Variants in TXNL4A observed in about 807,000 individuals in gnomAD.
TXNL4A encodes the protein thioredoxin like 4A, also known as thioredoxin-like protein 4A.
TXNL4A carries 17 observed loss-of-function variants against 14.6 expected under a neutral mutation model. That is an observed-to-expected ratio of 1.16 (90% CI 0.80 to 1.74). The LOEUF (loss-of-function observed/expected upper bound fraction) is 1.74, where lower values mean the gene tolerates loss of function less well. TXNL4A is among the 40% of genes most tolerant of loss of function. The pLI, the probability that TXNL4A is intolerant of heterozygous loss-of-function variation, is 0.00. For missense variants in TXNL4A, 74 were observed against 195.2 expected (o/e 0.38, Z 3.70); for synonymous variants, 83 against 70.6 (o/e 1.18, Z -0.88).
At chr18:80,021,080 CAG>C (rs2051845469) in intron 1 of TXNL4A, among the ~76,000 whole-genome samples, 1 of 152,102 alleles carries the variant, frequency 6.6e-6, no homozygotes. Flanking sequence ...TGAGAAAACT[CAG>C]AGAGATTTTT....
upstream of TXNL4A, chr18:79,988,674 T>A: frequency 3.8e-6 from 1 of 260,312 alleles, no homozygotes; most frequent in Non-Finnish European, 7.2e-6. Flanking sequence ...GTTGGCCGGG[T>A]GGAGCGGCGG....
At chr18:79,997,287 C>T (rs1014253064) in intron 1 of TXNL4A, among the ~76,000 whole-genome samples, 6 of 151,986 alleles carry the variant, frequency 3.9e-5, no homozygotes, top group African/African-American at 1.5e-4. Flanking sequence ...CAGGAAGCTA[C>T]AGATGGAATC....
At chr18:79,975,686 T>G (rs1486959911) in intron 2 of TXNL4A, among the ~76,000 whole-genome samples, 1 of 152,132 alleles carries the variant, frequency 6.6e-6, no homozygotes, top group East Asian at 1.9e-4. Context: ...GTGAGGAGTG[T>G]GTTACTGGGA....
At chr18:79,974,802 G>A (rs925324385) in intron 2 of TXNL4A, among the ~76,000 whole-genome samples, 6 of 152,116 alleles carry the variant, frequency 3.9e-5, no homozygotes, top group African/African-American at 1.4e-4. Flanking sequence ...AGAGATGCGA[G>A]CTATGTTGCT....
rs1467986176 is a variant in TXNL4A, at chr18:79,988,513, T to C, written c.-121A>G. ...CCCCGGGCCCACGGACGAAATCCGGTCCCGCCCGCACACGCAAACTCCGCT... is the reference window on the plus strand; with the variant it reads ...CCCCGGGCCCACGGACGAAATCCGGCCCCGCCCGCACACGCAAACTCCGCT... On this transcript the variant is annotated 5_prime_UTR_variant, in exon 1 of 3. Transcript: ENST00000269601. The C allele has an allele frequency of 9.9e-6, 11 of 1,106,966 alleles. No individual in the cohort carries two copies. Among genetic ancestry groups the C allele is most frequent in the Middle Eastern group, 3.4e-4 (1 of 2,912 alleles). 68.6% of individuals were successfully genotyped at this position (1,106,966 alleles called of 1,614,324 possible). A position where few individuals can be genotyped will look rare whatever the true frequency, so the allele number is the denominator to read the frequency against.
chr18:79,973,589 T>G lies in TXNL4A; in HGVS notation c.*96A>C. 6.7e-7 allele frequency: 1 copy of G among 1,482,328 alleles called. No homozygotes were observed. The highest frequency in any genetic ancestry group is 2.4e-5 in the Admixed American group (1 of 42,510). The allele number at this position is 1,482,328 out of a possible 1,614,324, so 91.8% of individuals were successfully genotyped here. ...TTCCATCTCAGAGGTGCTCCAGCCC[T>G]GGAGCTTCCTGTATTTTCCAAAGGC... On this transcript the variant is annotated 3_prime_UTR_variant, in exon 3 of 3. Coordinates refer to ENST00000269601, the MANE Select transcript of TXNL4A (RefSeq NM_006701.5).
intron 1 of TXNL4A, among the ~76,000 whole-genome samples, chr18:79,978,969 G>C (rs139760018): frequency 2.7e-5 from 4 of 148,880 alleles, no homozygotes; most frequent in African/African-American, 5.0e-5. Context: ...ACGGAGTCTC[G>C]ATCTGTCGCC....
chr18:80,008,322 C>T (rs919672822), intron 1 of TXNL4A, among the ~76,000 whole-genome samples: 1 of 152,088 alleles, frequency 6.6e-6, no homozygotes, highest in Non-Finnish European at 1.5e-5. Flanking sequence ...ATCTGTGGCA[C>T]AAGGCTGGTC....
At chr18:80,016,320 C>T (rs1044216336) in intron 1 of TXNL4A, among the ~76,000 whole-genome samples, 1 of 152,160 alleles carries the variant, frequency 6.6e-6, no homozygotes, top group African/African-American at 2.4e-5. Flanking sequence ...GCTGCCTGTT[C>T]ACTCTGATGG....
intron 1 of TXNL4A, among the ~76,000 whole-genome samples, chr18:80,000,945 G>T (rs1367433395): frequency 8.5e-5 from 13 of 152,280 alleles, no homozygotes; most frequent in African/African-American, 3.1e-4. Context: ...TGAGCAAGGA[G>T]CCAAATGTTA....
At chr18:79,996,875 G>A (rs192442762) in intron 1 of TXNL4A, among the ~76,000 whole-genome samples, 2 of 152,292 alleles carry the variant, frequency 1.3e-5, no homozygotes, top group African/African-American at 2.4e-5. Context: ...CCCAGGAGGC[G>A]GAGGTTGCAG....
At chr18:79,990,203 G>C (rs2051616994), upstream of TXNL4A, among the ~76,000 whole-genome samples, 2 of 152,194 alleles carry the variant, frequency 1.3e-5, no homozygotes, top group Non-Finnish European at 2.9e-5. Flanking sequence ...CTCACTGCCA[G>C]ATTAAGCTTT....
At chr18:80,017,803 C>T (rs1052147945) in intron 1 of TXNL4A, among the ~76,000 whole-genome samples, 16 of 152,072 alleles carry the variant, frequency 1.1e-4, no homozygotes, top group East Asian at 5.8e-4. Context: ...ATGTTCATCA[C>T]GGATATTGGT....
upstream of TXNL4A, among the ~76,000 whole-genome samples, chr18:79,989,657 G>C (rs1446627059): frequency 2.0e-5 from 3 of 152,190 alleles, no homozygotes; most frequent in African/African-American, 7.2e-5. Context: ...TAAAACTCTT[G>C]TCTACTATCT....
At chr18:79,996,904 C>T (rs775733078) in intron 1 of TXNL4A, among the ~76,000 whole-genome samples, 2 of 152,196 alleles carry the variant, frequency 1.3e-5, no homozygotes, top group Non-Finnish European at 2.9e-5. Context: ...GACTGTGCCA[C>T]TGCACTCCAG....
rs1450155313 is a variant in TXNL4A, at chr18:79,982,179, A to G, written c.154-4478T>C. 3.9e-5 allele frequency among the ~76,000 whole-genome samples: 6 copies of G among 152,094 alleles called. No individual in the cohort carries two copies. Among genetic ancestry groups the G allele is most frequent in the Non-Finnish European group, 8.8e-5 (6 of 68,004 alleles). On this transcript the variant is annotated intron_variant, in intron 1 of 2. Coordinates refer to ENST00000269601, the MANE Select transcript of TXNL4A (RefSeq NM_006701.5). This position sits in a 1 kb window ranked among gnomAD's most constrained non-coding sequence, Gnocchi z 4.0. ...TGTGTAAAGAGAAAGACACAAGACC[A>G]GCAGCCAGGTCTCAGATCCAGCACC... is the stretch of plus-strand genomic sequence containing the variant.
At chr18:79,996,366 C>T (rs1272370061) in intron 1 of TXNL4A, among the ~76,000 whole-genome samples, 4 of 152,110 alleles carry the variant, frequency 2.6e-5, no homozygotes, top group Admixed American at 2.0e-4. Flanking sequence ...AAACCCCATA[C>T]GTGAGAGTAA....
chr18:80,004,501 C>T (rs1050583300), intron 1 of TXNL4A, among the ~76,000 whole-genome samples: 3 of 152,152 alleles, frequency 2.0e-5, no homozygotes, highest in Non-Finnish European at 2.9e-5. Flanking sequence ...AGATATGTTC[C>T]TGAGAATTCC....
upstream of TXNL4A, among the ~76,000 whole-genome samples, chr18:79,991,030 C>T (rs1263248063): frequency 6.7e-6 from 1 of 150,068 alleles, no homozygotes; most frequent in African/African-American, 2.5e-5. Flanking sequence ...ATGGCGTGAA[C>T]CCGGGAGGCG....
Sources: allele counts gnomAD v4.1 joint callset (sites outside exome capture counted in the v4.1 genomes callset), GRCh38; gene constraint gnomAD v4.1.1; non-coding constraint Gnocchi (gnomAD v3.1); transcripts MANE v1.5; gene names NCBI Gene and HGNC (gene_info 2026-07-23, HGNC 2026-07-21).